Variants in CAMK1D observed in about 807,000 individuals in gnomAD.
The protein encoded by CAMK1D is calcium/calmodulin dependent protein kinase ID, also known as calcium/calmodulin-dependent protein kinase type 1D.
CAMK1D carries 9 observed loss-of-function variants against 47.7 expected under a neutral mutation model. The ratio of observed to expected loss-of-function variants is 0.19; its 90% confidence interval spans 0.11 to 0.33. The LOEUF is 0.33. CAMK1D is among the 10% of genes least tolerant of loss of function. The pLI is 1.00. For synonymous variants in CAMK1D, 184 were observed against 184.9 expected (o/e 0.99, Z 0.04); for missense variants, 291 against 488.7 (o/e 0.60, Z 3.81).
At chr10:12,627,981 T>G (rs866866737) in intron 2 of CAMK1D, among the ~76,000 whole-genome samples, 1 of 151,238 alleles carries the variant, frequency 6.6e-6, no homozygotes, top group Non-Finnish European at 1.5e-5. Context: ...CTCAGGAGGC[T>G]GAGGCAGGGG....
intron 1 of CAMK1D, among the ~76,000 whole-genome samples, chr10:12,518,292 A>G (rs1447996791): frequency 2.0e-5 from 3 of 152,196 alleles, no homozygotes; most frequent in Non-Finnish European, 4.4e-5. Flanking sequence ...GCAGAGTGGA[A>G]TAGTTATGAC....
At chr10:12,677,839 G>A (rs900650433) in intron 3 of CAMK1D, among the ~76,000 whole-genome samples, 1 of 152,184 alleles carries the variant, frequency 6.6e-6, no homozygotes, top group African/African-American at 2.4e-5. Flanking sequence ...TCTGGCTGGG[G>A]TCAGTGGTAA....
chr10:12,795,602 T>A (rs900440463), intron 6 of CAMK1D, among the ~76,000 whole-genome samples: 5 of 152,220 alleles, frequency 3.3e-5, no homozygotes, highest in African/African-American at 1.2e-4. Flanking sequence ...GATAAACCTG[T>A]CACGCTGAGA....
At chr10:12,816,872 CAAAAAAAAAA>C (rs71386122) in intron 8 of CAMK1D, among the ~76,000 whole-genome samples, 5 of 57,428 alleles carry the variant, frequency 8.7e-5, no homozygotes, top group African/African-American at 2.2e-4. Context: ...AACTCTGTCT[CAAAAAAAAAA>C]AAAAAAAAAA....
chr10:12,685,116 C>T (rs113034258), intron 3 of CAMK1D, among the ~76,000 whole-genome samples: 4,515 of 152,286 alleles, frequency 0.03, 83 homozygotes, highest in African/African-American at 0.045. Context: ...GTATGGCCAA[C>T]ATGGTGAAAC....
intron 6 of CAMK1D, among the ~76,000 whole-genome samples, chr10:12,795,562 G>T (rs746964185): frequency 2.6e-5 from 4 of 152,176 alleles, no homozygotes; most frequent in Non-Finnish European, 4.4e-5. Context: ...GTGTTTTGGA[G>T]CATAGCACTC....
chr10:12,667,846 A>G (rs1413411869), intron 3 of CAMK1D, among the ~76,000 whole-genome samples: 1 of 152,232 alleles, frequency 6.6e-6, no homozygotes, highest in African/African-American at 2.4e-5. Flanking sequence ...ATAAGTGTTC[A>G]TCGGTGCATT....
chr10:12,413,537 A>T (rs1003863365), intron 1 of CAMK1D, among the ~76,000 whole-genome samples: 7 of 152,182 alleles, frequency 4.6e-5, no homozygotes, highest in South Asian at 2.1e-4. Flanking sequence ...GGTGATGATG[A>T]TGAGTATGAT....
At chr10:12,584,670 A>G (rs1047937095) in intron 2 of CAMK1D, among the ~76,000 whole-genome samples, 1 of 151,898 alleles carries the variant, frequency 6.6e-6, no homozygotes, top group Non-Finnish European at 1.5e-5. Context: ...AAATACAGAA[A>G]TTAGCCGGGC....
chr10:12,727,399 C>G (rs1051041761), intron 3 of CAMK1D, among the ~76,000 whole-genome samples: 1 of 152,222 alleles, frequency 6.6e-6, no homozygotes, highest in African/African-American at 2.4e-5. Flanking sequence ...CTTCAAGAAG[C>G]ATTTTTACTG....
chr10:12,610,297 T>G (rs139635381), intron 2 of CAMK1D, among the ~76,000 whole-genome samples: 36 of 152,274 alleles, frequency 2.4e-4, no homozygotes, highest in African/African-American at 8.4e-4. Context: ...GTTTCCAGTT[T>G]GTAAGCTTTC....
At chr10:12,798,106 G>T (rs889665546) in intron 6 of CAMK1D, among the ~76,000 whole-genome samples, 3 of 152,220 alleles carry the variant, frequency 2.0e-5, no homozygotes, top group African/African-American at 7.2e-5. Flanking sequence ...AGGTCAGAAG[G>T]TAGTGGCTCA....
Position 12,817,351 on chromosome 10 carries a change from T to C in CAMK1D, c.833+1023T>C, listed in dbSNP as rs74118628. ...TTTATTACTCATTAGTTAAATGAAG[T>C]TACATATTTTTTTCCTTTTAAGATG... On this transcript the variant is annotated intron_variant, in intron 8 of 10. Coordinates refer to ENST00000619168, the MANE Select transcript of CAMK1D (RefSeq NM_153498.4). 3.5e-3 allele frequency among the ~76,000 whole-genome samples: 534 copies of C among 152,320 alleles called. 4 individuals are homozygous for C. The highest frequency in any genetic ancestry group is 0.012 in the African/African-American group (517 of 41,574).
At chr10:12,449,000 G>A (rs570969287) in intron 1 of CAMK1D, among the ~76,000 whole-genome samples, 1 of 152,264 alleles carries the variant, frequency 6.6e-6, no homozygotes, top group South Asian at 2.1e-4. Flanking sequence ...TAAACACTTA[G>A]AATAGTTCCT....
chr10:12,712,889 T>C (rs1486971686), intron 3 of CAMK1D, among the ~76,000 whole-genome samples: 9 of 152,090 alleles, frequency 5.9e-5, no homozygotes, highest in African/African-American at 2.2e-4. Context: ...GGTACTGAGC[T>C]TAGCAGCAGC....
intron 3 of CAMK1D, among the ~76,000 whole-genome samples, chr10:12,716,564 G>C (rs567123867): frequency 6.6e-6 from 1 of 152,088 alleles, no homozygotes. Context: ...AGTATGTGCC[G>C]TGTCATGAGA....
intron 1 of CAMK1D, among the ~76,000 whole-genome samples, chr10:12,439,745 G>A (rs1337620181): frequency 6.6e-6 from 1 of 152,220 alleles, no homozygotes; most frequent in East Asian, 1.9e-4. Flanking sequence ...GTGGCCTAGA[G>A]TTTTCATATT....
chr10:12,606,094 G>C (rs926583138), intron 2 of CAMK1D, among the ~76,000 whole-genome samples: 2 of 152,252 alleles, frequency 1.3e-5, no homozygotes, highest in African/African-American at 2.4e-5. Flanking sequence ...TTGCTTCACA[G>C]CCACGCCGCT....
intron 2 of CAMK1D, among the ~76,000 whole-genome samples, chr10:12,611,854 A>G (rs371250505): frequency 2.0e-5 from 3 of 152,000 alleles, no homozygotes; most frequent in African/African-American, 7.2e-5. Flanking sequence ...CGGCCTCCCA[A>G]AGTGCTGGGA....
Sources: gnomAD v4.1 joint callset for allele counts (sites outside exome capture counted in the v4.1 genomes callset) on GRCh38, gnomAD v4.1.1 for gene constraint, MANE v1.5 for transcripts, NCBI Gene and HGNC (gene_info 2026-07-23, HGNC 2026-07-21) for gene names.